GABRG3: variants seen among roughly 807,000 people sequenced by gnomAD.
The protein encoded by GABRG3 is gamma-aminobutyric acid receptor subunit gamma-3.
GABRG3 carries 25 observed loss-of-function variants against 48.8 expected under a neutral mutation model. That is an observed-to-expected ratio of 0.51 (90% CI 0.37 to 0.72). GABRG3 has a LOEUF of 0.72. Ranked by LOEUF, GABRG3 falls within the 30% of genes least tolerant of loss-of-function variation. The pLI, the probability that GABRG3 is intolerant of heterozygous loss-of-function variation, is 0.00. For synonymous variants in GABRG3, 227 were observed against 217.6 expected (o/e 1.04, Z -0.38); for missense variants, 394 against 577.9 (o/e 0.68, Z 3.26).
chr15:27,094,309 G>A (rs1897239242), intron 3 of GABRG3, among the ~76,000 whole-genome samples: 1 of 152,174 alleles, frequency 6.6e-6, no homozygotes, highest in Admixed American at 6.5e-5. Context: ...ATGGCCCAAG[G>A]CATTTGAGGT....
At chr15:27,295,215 A>G (rs1264448570) in intron 3 of GABRG3, 1 of 152,182 alleles carries the variant, frequency 6.6e-6, no homozygotes, top group East Asian at 1.9e-4. Context: ...TTAAAATTAA[A>G]TTTTATTATT....
intron 3 of GABRG3, among the ~76,000 whole-genome samples, chr15:27,162,314 C>T (rs1887219999): frequency 6.6e-6 from 1 of 152,146 alleles, no homozygotes; most frequent in African/African-American, 2.4e-5. Context: ...CCTTGGGTAC[C>T]TGAGAAGGAG....
chr15:27,047,651 C>T (rs531433329), intron 3 of GABRG3, among the ~76,000 whole-genome samples: 1 of 152,296 alleles, frequency 6.6e-6, no homozygotes, highest in Admixed American at 6.5e-5. Flanking sequence ...CCTTGCAAGC[C>T]TCCTTATAAA....
At chr15:27,017,335 CTTTCT>C (rs1257260078) in intron 2 of GABRG3, among the ~76,000 whole-genome samples, 2 of 152,166 alleles carry the variant, frequency 1.3e-5, no homozygotes, top group Non-Finnish European at 2.9e-5. Flanking sequence ...GGGTGTGTTG[CTTTCT>C]ACTCAGGGGT....
In GABRG3 at chr15:27,005,054, T is replaced by C. The variant is rs530849328; in HGVS notation, c.203-21700T>C. 2.6e-5 allele frequency among the ~76,000 whole-genome samples: 4 copies of C among 152,296 alleles called. No individual in the cohort carries two copies. The East Asian group carries it at 7.7e-4, about 29-fold the overall frequency. On this transcript the variant is annotated intron_variant, in intron 2 of 9. Coordinates refer to ENST00000615808, the MANE Select transcript of GABRG3 (RefSeq NM_033223.5). The stretch of plus-strand genomic sequence containing the variant: ...TGCAAAGATAGCATTTTATTTTATT[T>C]TATTCTATTTTATTTTTCTGTAAGT...
chr15:27,207,996 GTGATGC>G (rs1888915213), intron 3 of GABRG3: 1 of 152,294 alleles, frequency 6.6e-6, no homozygotes, highest in African/African-American at 2.4e-5. Context: ...CAAGTGGCTC[GTGATGC>G]TGGGATCAGG....
chr15:27,269,864 A>G (rs1436063422), intron 3 of GABRG3, among the ~76,000 whole-genome samples: 5 of 152,160 alleles, frequency 3.3e-5, no homozygotes, highest in Admixed American at 3.3e-4. Flanking sequence ...ATCTATCTAC[A>G]TGTCTGTTAC....
intron 5 of GABRG3, among the ~76,000 whole-genome samples, chr15:27,358,599 C>T (rs1468505263): frequency 6.8e-6 from 1 of 147,806 alleles, no homozygotes; most frequent in African/African-American, 2.5e-5. Flanking sequence ...CTTATTCCGT[C>T]CTTCCTGCCG....
intron 3 of GABRG3, among the ~76,000 whole-genome samples, chr15:27,044,449 G>C (rs1048689043): frequency 6.6e-6 from 1 of 152,096 alleles, no homozygotes; most frequent in African/African-American, 2.4e-5. Flanking sequence ...GATATCCATT[G>C]TTGTCAAAAT....
Position 27,352,642 on chromosome 15 carries a change from C to T in GABRG3, c.574+23754C>T, listed in dbSNP as rs954804662. Among the ~76,000 whole-genome samples, 2 of 152,084 alleles carry T rather than the reference C, an allele frequency of 1.3e-5. No homozygotes were observed. Among genetic ancestry groups the T allele is most frequent in the African/African-American group, 4.8e-5 (2 of 41,402 alleles). On this transcript the variant is annotated intron_variant, in intron 5 of 9. Coordinates refer to ENST00000615808, the MANE Select transcript of GABRG3 (RefSeq NM_033223.5). The surrounding 1 kb of genome is among the most constrained non-coding windows in gnomAD (Gnocchi z 4.0). ...GCCCCGGGGAGGCAGGCCAAGGAAGCCCCCTGCCAAGGCAGCAGCCACATA... is the reference window on the plus strand; with the variant it reads ...GCCCCGGGGAGGCAGGCCAAGGAAGTCCCCTGCCAAGGCAGCAGCCACATA...
At chr15:27,118,943 G>A (rs910059946) in intron 3 of GABRG3, among the ~76,000 whole-genome samples, 12 of 152,172 alleles carry the variant, frequency 7.9e-5, no homozygotes, top group East Asian at 5.8e-4. Flanking sequence ...ATATGGCACC[G>A]TGGCCTTTGA....
intron 5 of GABRG3, among the ~76,000 whole-genome samples, chr15:27,478,171 T>A (rs1470401721): frequency 6.6e-6 from 1 of 152,194 alleles, no homozygotes; most frequent in Non-Finnish European, 1.5e-5. Context: ...CTTTACATTA[T>A]GTGTATATTA....
At chr15:27,261,519 C>CAT (rs1254970731) in intron 3 of GABRG3, among the ~76,000 whole-genome samples, 1 of 148,606 alleles carries the variant, frequency 6.7e-6, no homozygotes, top group Non-Finnish European at 1.5e-5. Flanking sequence ...CTACAGTATT[C>CAT]ATATATATAC....
intron 3 of GABRG3, among the ~76,000 whole-genome samples, chr15:27,062,435 A>T (rs868808011): frequency 8.5e-4 from 61 of 71,370 alleles, no homozygotes; most frequent in Non-Finnish European, 1.4e-3. Flanking sequence ...CATCTCTACT[A>T]AAAAAAAAAA....
intron 3 of GABRG3, among the ~76,000 whole-genome samples, chr15:27,276,017 C>T (rs1891240976): frequency 6.6e-6 from 1 of 152,240 alleles, no homozygotes; most frequent in African/African-American, 2.4e-5. Context: ...CATGATCCTG[C>T]AGGACCACAG....
intron 5 of GABRG3, among the ~76,000 whole-genome samples, chr15:27,409,480 G>C (rs1043160456): frequency 2.0e-5 from 3 of 152,096 alleles, no homozygotes; most frequent in Non-Finnish European, 4.4e-5. Context: ...ATGGTAAACT[G>C]TCTCAATTAC....
chr15:27,300,125 C>A (rs1892144733), intron 3 of GABRG3, among the ~76,000 whole-genome samples: 1 of 152,130 alleles, frequency 6.6e-6, no homozygotes, highest in Non-Finnish European at 1.5e-5. Flanking sequence ...CACCATTGAA[C>A]CTGCAGTGTG....
intron 3 of GABRG3, among the ~76,000 whole-genome samples, chr15:27,190,645 C>T (rs1359113115): frequency 6.6e-6 from 1 of 152,070 alleles, no homozygotes; most frequent in Non-Finnish European, 1.5e-5. Flanking sequence ...TGCTAGCGGT[C>T]TATCAATTTT....
At chr15:27,164,384 C>T (rs1047460346) in intron 3 of GABRG3, among the ~76,000 whole-genome samples, 2 of 152,224 alleles carry the variant, frequency 1.3e-5, no homozygotes, top group Non-Finnish European at 2.9e-5. Flanking sequence ...ATCAAATCTA[C>T]AGTCCAAAAA....
Sources: gnomAD v4.1 joint callset for allele counts (sites outside exome capture counted in the v4.1 genomes callset) on GRCh38, gnomAD v4.1.1 for gene constraint, Gnocchi (gnomAD v3.1) non-coding constraint, MANE v1.5 for transcripts, NCBI Gene and HGNC (gene_info 2026-07-23, HGNC 2026-07-21) for gene names.